The following MYBL1 variants were observed in gnomAD, a reference collection of about 807,000 sequenced individuals.
The protein encoded by MYBL1 is myb-related protein A.
Under a neutral mutation model 96.3 loss-of-function variants are expected in MYBL1, and 17 were observed. The ratio of observed to expected loss-of-function variants is 0.18; its 90% CI spans 0.12 to 0.26. MYBL1 has a LOEUF of 0.26. Among genes scored for constraint, MYBL1 ranks in the 10% least tolerant of loss-of-function variants. The pLI is 1.00. For missense variants in MYBL1, 701 were observed against 882.9 expected (o/e 0.79, Z 2.61); for synonymous variants, 282 against 292.7 (o/e 0.96, Z 0.37).
chr8:66,575,581 G>A (rs1189389840), intron 10 of MYBL1, among the ~76,000 whole-genome samples: 1 of 152,192 alleles, frequency 6.6e-6, no homozygotes, highest in Non-Finnish European at 1.5e-5. Context: ...CTTGAGCTCA[G>A]GAGTTCAAGA....
At chr8:66,580,918 C>T (rs1426656517) in intron 8 of MYBL1, among the ~76,000 whole-genome samples, 1 of 150,256 alleles carries the variant, frequency 6.7e-6, no homozygotes, top group Non-Finnish European at 1.5e-5. Context: ...TGGGGTACAG[C>T]GGTGCTCTCT....
At chr8:66,611,124 G>C (rs1284346981) in intron 1 of MYBL1, among the ~76,000 whole-genome samples, 4 of 152,084 alleles carry the variant, frequency 2.6e-5, no homozygotes, top group Admixed American at 2.0e-4. Flanking sequence ...CCATGGGGAG[G>C]GGAAGGTTCT....
intron 8 of MYBL1, among the ~76,000 whole-genome samples, chr8:66,582,237 T>C (rs550735664): frequency 2.0e-5 from 3 of 151,998 alleles, no homozygotes; most frequent in Non-Finnish European, 4.4e-5. Context: ...TTAAAAGACA[T>C]AGACTAGCTG....
Position 66,602,871 on chromosome 8 carries a change from G to A in MYBL1, c.21-348C>T, listed in dbSNP as rs1400671054. On this transcript the variant is annotated intron_variant, in intron 1 of 15. Transcript: ENST00000522677. ...CGCCATTCTCCTGCCTCAGCCTCTCGAGTAGCTGGGACTACGGGCGCCCAC... is the reference window on the plus strand; with the variant it reads ...CGCCATTCTCCTGCCTCAGCCTCTCAAGTAGCTGGGACTACGGGCGCCCAC... Among the ~76,000 whole-genome samples, 10 of 149,128 alleles carry A rather than the reference G, an allele frequency of 6.7e-5. No homozygotes were observed. The East Asian group carries it at 1.6e-3, about 24-fold the overall frequency.
At chr8:66,602,858 G>T (rs981845940) in intron 1 of MYBL1, among the ~76,000 whole-genome samples, 3 of 146,628 alleles carry the variant, frequency 2.0e-5, no homozygotes, top group African/African-American at 7.6e-5. Context: ...CCATTCTCCT[G>T]CCTCAGCCTC....
Position 66,612,967 on chromosome 8 carries a change from G to GAACGC in MYBL1, c.-134_-130dup. On this transcript the variant is annotated 5_prime_UTR_variant, in exon 1 of 16. Coordinates refer to ENST00000522677, the MANE Select transcript of MYBL1 (RefSeq NM_001080416.4). ...CTCCCTCTGGAGGCGGCCGAGTGCG[G>GAACGC]AACGCACGTCCTCGACAGGGCAGGA... 9.3e-7 allele frequency: 1 copy of GAACGC among 1,076,592 alleles called. No individual in the cohort carries two copies. Among genetic ancestry groups the GAACGC allele is most frequent in the East Asian group, 2.9e-5 (1 of 34,014 alleles). The allele number at this position is 1,076,592 out of a possible 1,614,324, so 66.7% of individuals were successfully genotyped here.
chr8:66,566,990 G>C lies in MYBL1; in HGVS notation c.1731C>G (p.Ser577=). ...CTTCTTCCAAGAAAGCAAGTGGCTG[G>C]GACTAAATTGTTTTTTAAAATGTTG... ...EKKYGPLKIV[S]QPLAFLEEDI... is the part of the protein sequence containing the mutation. Residue 577 remains serine, a splice_region_variant and synonymous_variant, in exon 13 of 16, where the codon TCC becomes TCG. Transcript: ENST00000522677. 1.2e-6 allele frequency: 2 copies of C among 1,605,462 alleles called. No homozygotes were observed. The highest frequency in any genetic ancestry group is 8.5e-7 in the Non-Finnish European group (1 of 1,175,026).
chr8:66,597,561 G>C lies in MYBL1; in HGVS notation c.292-11C>G. The C allele has an allele frequency of 6.6e-7, 1 of 1,515,344 alleles. No individual in the cohort carries two copies. The highest frequency in any genetic ancestry group is 9.0e-7 in the Non-Finnish European group (1 of 1,112,008). The allele number at this position is 1,515,344 out of a possible 1,614,324, so 93.9% of individuals were successfully genotyped here. ...AACTAATTCAATAACCTAGGAAACA[G>C]AAAAACAAAGTTTAAAAAAGCATTA... On this transcript the variant is annotated splice_polypyrimidine_tract_variant and intron_variant, in intron 4 of 15. Coordinates refer to ENST00000522677, the MANE Select transcript of MYBL1 (RefSeq NM_001080416.4).
chr8:66,605,969 G>T (rs1176400512), intron 1 of MYBL1, among the ~76,000 whole-genome samples: 1 of 152,058 alleles, frequency 6.6e-6, no homozygotes, highest in African/African-American at 2.4e-5. Context: ...ACTGGAAGAG[G>T]GGAATATTAT....
chr8:66,601,552 C>G, intron 3 of MYBL1, 146 bp downstream of exon 3: 1 of 520,990 alleles, frequency 1.9e-6, no homozygotes, highest in Non-Finnish European at 3.5e-6. Flanking sequence ...CATTAGCAAC[C>G]AACTAGAGGC....
At chr8:66,575,661 G>A (rs770319734) in intron 10 of MYBL1, among the ~76,000 whole-genome samples, 5 of 152,118 alleles carry the variant, frequency 3.3e-5, no homozygotes, top group East Asian at 1.9e-4. Flanking sequence ...GTGGTGGCAC[G>A]CATCTATAGT....
At chr8:66,596,996 T>G (rs1809877954) in intron 5 of MYBL1, among the ~76,000 whole-genome samples, 1 of 152,188 alleles carries the variant, frequency 6.6e-6, no homozygotes, top group South Asian at 2.1e-4. Context: ...TAGATTTAGA[T>G]TCTTTTCCAA....
chr8:66,578,474 GA>G (rs1300394243), intron 9 of MYBL1, among the ~76,000 whole-genome samples: 1 of 152,188 alleles, frequency 6.6e-6, no homozygotes, highest in African/African-American at 2.4e-5. Context: ...AAAGACACTT[GA>G]AAAAATGCTC....
intron 8 of MYBL1, among the ~76,000 whole-genome samples, chr8:66,587,196 T>C (rs1238515078): frequency 1.3e-5 from 2 of 152,156 alleles, no homozygotes; most frequent in Non-Finnish European, 2.9e-5. Context: ...CAAATAACTA[T>C]AAAAGCAGGA....
intron 1 of MYBL1, among the ~76,000 whole-genome samples, chr8:66,607,589 A>G (rs560655546): frequency 6.6e-6 from 1 of 152,242 alleles, no homozygotes; most frequent in East Asian, 1.9e-4. Flanking sequence ...CACCTTCTTC[A>G]ATACATGTGA....
chr8:66,596,949 C>G (rs914571135), intron 5 of MYBL1, among the ~76,000 whole-genome samples: 9 of 152,096 alleles, frequency 5.9e-5, no homozygotes, highest in Admixed American at 3.3e-4. Flanking sequence ...ATATCATTCC[C>G]TGGTCTTACA....
chr8:66,580,241 A>G lies in MYBL1; in HGVS notation c.993T>C (p.Ser331=), dbSNP rs935443278. 6.2e-7 allele frequency: 1 copy of G among 1,613,954 alleles called. No individual in the cohort carries two copies. Among genetic ancestry groups the G allele is most frequent in the African/African-American group, 1.3e-5 (1 of 75,062 alleles). Reference sequence around the variant, plus strand: ...ACTTTGTGGGTGAATTCTGCTGAGCAGACACAGGCTGATTTTCATCCATAC... The same window carrying G: ...ACTTTGTGGGTGAATTCTGCTGAGCGGACACAGGCTGATTTTCATCCATAC... ...FYSMDENQPV[S]AQQNSPTKFL... is the part of the protein sequence containing the mutation. The change falls in exon 9 of 16, where the codon TCT becomes TCC. Residue 331 remains serine, a synonymous_variant. Coordinates refer to ENST00000522677, the MANE Select transcript of MYBL1 (RefSeq NM_001080416.4).
rs199551470 is a variant in MYBL1, at chr8:66,580,239, G to A, written c.995C>T (p.Ala332Val). ...YSMDENQPVSAQQNSPTKFLA... is the reference protein window; with the variant it reads ...YSMDENQPVSVQQNSPTKFLA... ...GAACTTTGTGGGTGAATTCTGCTGAGCAGACACAGGCTGATTTTCATCCAT... is the reference window on the plus strand; with the variant it reads ...GAACTTTGTGGGTGAATTCTGCTGAACAGACACAGGCTGATTTTCATCCAT... The change falls in exon 9 of 16, where the codon GCT becomes GTT. Residue 332 changes from alanine to valine, a missense_variant. Physicochemically the swap from Ala to Val is moderately conservative, Grantham distance 64. Coordinates refer to ENST00000522677, the MANE Select transcript of MYBL1 (RefSeq NM_001080416.4). 35 of 1,613,900 alleles carry A rather than the reference G, an allele frequency of 2.2e-5. No homozygotes were observed. In the East Asian group the frequency reaches 7.6e-4, roughly 35 times the overall value.
chr8:66,578,571 T>C (rs1469491447), intron 9 of MYBL1, among the ~76,000 whole-genome samples: 5 of 151,144 alleles, frequency 3.3e-5, no homozygotes, highest in African/African-American at 1.2e-4. Context: ...CATTAAAAAG[T>C]CAGGAAACAA....
Sources: allele counts gnomAD v4.1 joint callset (sites outside exome capture counted in the v4.1 genomes callset), GRCh38; gene constraint gnomAD v4.1.1; transcripts MANE v1.5; gene names NCBI Gene and HGNC (gene_info 2026-07-23, HGNC 2026-07-21).